Variants in PLEKHG1 observed in about 807,000 individuals in gnomAD.
PLEKHG1 encodes pleckstrin homology domain-containing family G member 1.
A neutral mutation model predicts 100.8 loss-of-function variants in PLEKHG1; 44 were observed. That is an observed-to-expected ratio of 0.44 (90% CI 0.34 to 0.56). The LOEUF is 0.56. PLEKHG1 is among the 20% of genes least tolerant of loss of function. The pLI is 0.01. For missense variants in PLEKHG1, 1,545 were observed against 1,720.9 expected, an observed-to-expected ratio of 0.90 and a Z score of 1.81; for synonymous variants, 640 against 662.5, an observed-to-expected ratio of 0.97 and a Z score of 0.52.
In PLEKHG1 at chr6:150,637,630, G is replaced by A. The variant is rs553627115; in HGVS notation, c.-203-450G>A. Among the ~76,000 whole-genome samples, 7 of 152,208 alleles carry A rather than the reference G, an allele frequency of 4.6e-5. No individual in the cohort carries two copies. In the South Asian group the frequency reaches 1.5e-3, roughly 32 times the overall value. ...CCTCTGATACCTACAATCTAGTGTAGCCAATAAGTCTGATGTTAGACTTAC... is the reference window on the plus strand; with the variant it reads ...CCTCTGATACCTACAATCTAGTGTAACCAATAAGTCTGATGTTAGACTTAC... On this transcript the variant is annotated intron_variant, in intron 1 of 3. Transcript: ENST00000367326.
At chr6:150,703,906 AC>A (rs1562448543) in intron 3 of PLEKHG1, among the ~76,000 whole-genome samples, 1 of 152,244 alleles carries the variant, frequency 6.6e-6, no homozygotes, top group African/African-American at 2.4e-5. Context: ...AGTTGAACGT[AC>A]TTGGTGACTT....
In PLEKHG1 at chr6:150,778,216, C is replaced by G. The variant is rs561402215; in HGVS notation, c.513-8174C>G. On this transcript the variant is annotated intron_variant, in intron 3 of 15. Coordinates refer to ENST00000358517, the Ensembl canonical transcript of PLEKHG1. ...AATCTAGGCTCAGTGTATCCTCCGC[C>G]TCCCAGGTTTAAGCAATCCTCCCTC... 5.9e-5 allele frequency among the ~76,000 whole-genome samples: 9 copies of G among 152,272 alleles called. No individual in the cohort carries two copies. In the East Asian group the frequency reaches 1.5e-3, roughly 26 times the overall value.
chr6:150,648,629 C>T (rs939425976), intron 2 of PLEKHG1, among the ~76,000 whole-genome samples: 3 of 152,134 alleles, frequency 2.0e-5, no homozygotes, highest in Non-Finnish European at 4.4e-5. Flanking sequence ...TTATCTAAGT[C>T]AAACATGCCT....
chr6:150,684,193 T>C (rs1780033361), intron 3 of PLEKHG1, among the ~76,000 whole-genome samples: 2 of 152,160 alleles, frequency 1.3e-5, no homozygotes, highest in African/African-American at 4.8e-5. Flanking sequence ...CGTTAGAAAA[T>C]GCAGGCTCCC....
chr6:150,809,497 T>G (rs2128669703), intron 9 of PLEKHG1, 21 bp downstream of exon 10: 1 of 1,589,108 alleles, frequency 6.3e-7, no homozygotes, highest in South Asian at 1.1e-5. Flanking sequence ...GGCCCTGGCC[T>G]CTCCGCAAGG....
chr6:150,760,753 A>T (rs1457274258), intron 2 of PLEKHG1, among the ~76,000 whole-genome samples: 1 of 151,890 alleles, frequency 6.6e-6, no homozygotes, highest in African/African-American at 2.4e-5. Context: ...ACAGGACTTC[A>T]TCATGGCCAA....
chr6:150,750,694 T>C (rs1350584184), intron 2 of PLEKHG1, among the ~76,000 whole-genome samples: 1 of 132,790 alleles, frequency 7.5e-6, no homozygotes, highest in South Asian at 2.4e-4. Flanking sequence ...GGCAGGAGAA[T>C]GGCGTGAACC....
At chr6:150,795,721 TAA>T (rs919587743) in intron 4 of PLEKHG1, 133 bp from the exon 6 acceptor site, 30 of 296,064 alleles carry the variant, frequency 1.0e-4, no homozygotes, top group Middle Eastern at 9.9e-4. Context: ...AAACTCCGCC[TAA>T]AAAAAAAAAC....
intron 1 of PLEKHG1, among the ~76,000 whole-genome samples, chr6:150,724,905 C>T (rs766142406): frequency 6.6e-6 from 1 of 152,198 alleles, no homozygotes; most frequent in Non-Finnish European, 1.5e-5. Context: ...GCTCCAGAGA[C>T]ACCCCTTAGC....
At chr6:150,727,604 C>CA (rs59430978) in intron 1 of PLEKHG1, among the ~76,000 whole-genome samples, 42,983 of 144,178 alleles carry the variant, frequency 0.3, 6,432 homozygotes, top group African/African-American at 0.39. Flanking sequence ...AAGGATGGCA[C>CA]AAAAAAAAAA....
In PLEKHG1 at chr6:150,747,399, C is replaced by T. The variant is rs150015430; in HGVS notation, c.411+13307C>T. Among the ~76,000 whole-genome samples, 1,402 of 152,304 alleles carry T rather than the reference C, an allele frequency of 9.2e-3. 16 individuals carry two copies. The highest frequency in any genetic ancestry group is 0.012 in the Admixed American group (189 of 15,292). On this transcript the variant is annotated intron_variant, in intron 2 of 15. Transcript: ENST00000358517. ...TCTGTAACACGTAGAACAGGAAAGA[C>T]AGCTTGGACTAACTCATGACTTTTT...
At chr6:150,707,552 C>T (rs989538851) in intron 3 of PLEKHG1, among the ~76,000 whole-genome samples, 2 of 152,044 alleles carry the variant, frequency 1.3e-5, no homozygotes, top group African/African-American at 2.4e-5. Flanking sequence ...GCCAGGGTGA[C>T]GTGAGCAAGC....
chr6:150,649,054 T>G (rs1391724811), intron 2 of PLEKHG1, among the ~76,000 whole-genome samples: 1 of 152,178 alleles, frequency 6.6e-6, no homozygotes, highest in Non-Finnish European at 1.5e-5. Flanking sequence ...ATCCTGCTTT[T>G]TTTTTAATTT....
chr6:150,609,501 A>AGTGT (rs768908320), intron 1 of PLEKHG1, among the ~76,000 whole-genome samples: 1 of 151,906 alleles, frequency 6.6e-6, no homozygotes, highest in South Asian at 2.1e-4. Flanking sequence ...CAAGGCAGCC[A>AGTGT]GTGTGTGTGT....
At chr6:150,840,526 C>T in exon 16 of PLEKHG1, 1 of 1,614,046 alleles carries the variant, frequency 6.2e-7, no homozygotes, top group Non-Finnish European at 8.5e-7. Context: ...CAAATTGCAA[C>T]ACAGAATTAT....
At chr6:150,731,836 C>T (rs1375701253) in intron 1 of PLEKHG1, among the ~76,000 whole-genome samples, 1 of 151,946 alleles carries the variant, frequency 6.6e-6, no homozygotes, top group African/African-American at 2.4e-5. Context: ...AAATGTTGAC[C>T]CTGCCTTAGA....
At chr6:150,731,898 T>C (rs1782277754) in intron 1 of PLEKHG1, among the ~76,000 whole-genome samples, 1 of 152,114 alleles carries the variant, frequency 6.6e-6, no homozygotes, top group South Asian at 2.1e-4. Flanking sequence ...TTCTGAATGT[T>C]TAATTTTCAC....
intron 3 of PLEKHG1, among the ~76,000 whole-genome samples, chr6:150,657,384 G>A (rs1779010246): frequency 6.6e-6 from 1 of 152,214 alleles, no homozygotes; most frequent in South Asian, 2.1e-4. Context: ...AAGGTGATCA[G>A]AAGCAATGGG....
intron 2 of PLEKHG1, among the ~76,000 whole-genome samples, chr6:150,740,809 A>G (rs2128622162): frequency 6.6e-6 from 1 of 152,304 alleles, no homozygotes; most frequent in South Asian, 2.1e-4. Context: ...AAACCATTTA[A>G]TATCTATGAT....
Sources: gnomAD v4.1 joint callset for allele counts (sites outside exome capture counted in the v4.1 genomes callset) on GRCh38, gnomAD v4.1.1 for gene constraint, MANE v1.5 for transcripts, NCBI Gene and HGNC (gene_info 2026-07-23, HGNC 2026-07-21) for gene names.